PHLPP1: variants seen among roughly 807,000 people sequenced by gnomAD.
PHLPP1 encodes PH domain and leucine rich repeat protein phosphatase 1, also known as PH domain leucine-rich repeat-containing protein phosphatase 1.
A neutral mutation model predicts 117.2 loss-of-function variants in PHLPP1; 42 were observed. The observed-to-expected ratio is 0.36, with a 90% CI of 0.28 to 0.46. PHLPP1 has a LOEUF of 0.46. Among genes scored for constraint, PHLPP1 ranks in the 20% least tolerant of loss-of-function variants. PHLPP1 has a pLI of 1.00. For missense variants in PHLPP1, 2,084 were observed against 2,241.9 expected (o/e 0.93, Z 1.42); for synonymous variants, 1,042 against 970.7 (o/e 1.07, Z -1.37).
intron 1 of PHLPP1, among the ~76,000 whole-genome samples, chr18:62,816,295 G>A (rs1914272430): frequency 6.6e-6 from 1 of 152,214 alleles, no homozygotes; most frequent in Admixed American, 6.5e-5. Flanking sequence ...GCTGGGTGCA[G>A]TGGCTCACGC....
intron 12 of PHLPP1, among the ~76,000 whole-genome samples, chr18:62,957,619 C>CTGTTT (rs376695220): frequency 6.6e-6 from 1 of 151,090 alleles, no homozygotes; most frequent in Admixed American, 6.6e-5. Context: ...TGTTTGTTTT[C>CTGTTT]TGTTTTGTTT....
intron 8 of PHLPP1, among the ~76,000 whole-genome samples, chr18:62,913,436 A>T (rs957002558): frequency 1.3e-5 from 2 of 152,220 alleles, no homozygotes; most frequent in African/African-American, 4.8e-5. Flanking sequence ...GCAAAATTAA[A>T]GAACATAAAT....
intron 11 of PHLPP1, among the ~76,000 whole-genome samples, chr18:62,942,511 A>G (rs1000151738): frequency 6.6e-6 from 1 of 152,242 alleles, no homozygotes; most frequent in Non-Finnish European, 1.5e-5. Flanking sequence ...CTCTACTACC[A>G]TAGAAACTGT....
chr18:62,721,462 G>T (rs1256743023), intron 1 of PHLPP1, among the ~76,000 whole-genome samples: 1 of 151,912 alleles, frequency 6.6e-6, no homozygotes, highest in East Asian at 1.9e-4. Context: ...GTGTGTATGT[G>T]TGACAGTTCA....
intron 4 of PHLPP1, among the ~76,000 whole-genome samples, chr18:62,865,793 A>G (rs1915756140): frequency 6.6e-6 from 1 of 152,232 alleles, no homozygotes; most frequent in Non-Finnish European, 1.5e-5. Context: ...AGAAAACCAA[A>G]TACTGCATGT....
chr18:62,748,838 TC>T (rs1209440467), intron 1 of PHLPP1, among the ~76,000 whole-genome samples: 1 of 152,134 alleles, frequency 6.6e-6, no homozygotes, highest in Non-Finnish European at 1.5e-5. Flanking sequence ...ACTTTGTGGC[TC>T]CCCCCAACAC....
intron 4 of PHLPP1, among the ~76,000 whole-genome samples, chr18:62,871,916 G>T (rs777978029): frequency 6.6e-6 from 1 of 152,052 alleles, no homozygotes; most frequent in Non-Finnish European, 1.5e-5. Flanking sequence ...AAGGGCTGGG[G>T]TTATAGGCAT....
intron 6 of PHLPP1, among the ~76,000 whole-genome samples, chr18:62,897,899 AT>A (rs967474572): frequency 1.3e-4 from 20 of 151,464 alleles, no homozygotes; most frequent in African/African-American, 4.6e-4. Context: ...CTTTTATTCA[AT>A]TTTTTTTCCC....
At chr18:62,826,297 G>GA (rs1215166281) in intron 1 of PHLPP1, 1 of 389,974 alleles carries the variant, frequency 2.6e-6, no homozygotes, top group Non-Finnish European at 5.1e-6. Flanking sequence ...ACATTTGTTA[G>GA]AAAATAAGCT....
intron 3 of PHLPP1, among the ~76,000 whole-genome samples, chr18:62,844,073 G>A (rs1169775032): frequency 1.3e-5 from 2 of 152,152 alleles, no homozygotes; most frequent in Non-Finnish European, 2.9e-5. Context: ...TTGGCCGGGC[G>A]TGGTGGCTCA....
At chr18:62,817,851 C>CTTTT (rs71340119) in intron 1 of PHLPP1, among the ~76,000 whole-genome samples, 5 of 85,966 alleles carry the variant, frequency 5.8e-5, no homozygotes, top group South Asian at 4.2e-4. Context: ...TGGCAACAGA[C>CTTTT]TTTTTTTTTT....
intron 1 of PHLPP1, among the ~76,000 whole-genome samples, chr18:62,767,855 C>T (rs763952217): frequency 3.9e-4 from 59 of 152,168 alleles, no homozygotes; most frequent in Admixed American, 1.0e-3. Context: ...CCAATCAGTT[C>T]AGGGAGTGGC....
chr18:62,801,614 G>A (rs1434003468), intron 1 of PHLPP1, among the ~76,000 whole-genome samples: 2 of 151,416 alleles, frequency 1.3e-5, no homozygotes, highest in Admixed American at 6.6e-5. Context: ...CACCATGCCC[G>A]GCTAATTTTT....
chr18:62,892,746 G>A (rs1264166279), intron 4 of PHLPP1, among the ~76,000 whole-genome samples: 1 of 151,394 alleles, frequency 6.6e-6, no homozygotes, highest in African/African-American at 2.4e-5. Context: ...CATGGTGGCG[G>A]GTGCCTGTAG....
At chr18:62,722,758 A>G (rs1010421507) in intron 1 of PHLPP1, among the ~76,000 whole-genome samples, 2 of 152,270 alleles carry the variant, frequency 1.3e-5, no homozygotes, top group Non-Finnish European at 2.9e-5. Flanking sequence ...CTTCAACTCC[A>G]GAAACTTATG....
In PHLPP1 at chr18:62,978,936, C is replaced by G; in HGVS notation, c.4659C>G (p.Ile1553Met). 36 of 1,608,642 alleles carry G rather than the reference C, an allele frequency of 2.2e-5. No individual in the cohort carries two copies. The highest frequency in any genetic ancestry group is 3.1e-5 in the Non-Finnish European group (36 of 1,177,580). ...NGLDSDDEEP[I>M]EGVFTNGSRV... ...TTGACAGTGACGATGAGGAGCCCAT[C>G]GAGGGCGTCTTCACCAACGGCAGCC... The change falls in exon 17 of 17, where the codon ATC becomes ATG. Residue 1553 changes from isoleucine to methionine, a missense_variant. Physicochemically the swap from Ile to Met is conservative, Grantham distance 10. Around this residue, in one of 2 missense-constraint regions of PHLPP1, gnomAD observed 1,365 missense variants for 1,605.9 expected, o/e 0.85. Coordinates refer to ENST00000262719, the MANE Select transcript of PHLPP1 (RefSeq NM_194449.4). The surrounding 1 kb of genome is among the most constrained non-coding windows in gnomAD (Gnocchi z 7.0).
At chr18:62,733,358 G>A (rs1911279431) in intron 1 of PHLPP1, among the ~76,000 whole-genome samples, 1 of 152,164 alleles carries the variant, frequency 6.6e-6, no homozygotes, top group Non-Finnish European at 1.5e-5. Flanking sequence ...TTAAATTAAG[G>A]TGTGTGCATT....
chr18:62,743,153 G>T (rs1228211950), intron 1 of PHLPP1, among the ~76,000 whole-genome samples: 1 of 151,998 alleles, frequency 6.6e-6, no homozygotes, highest in East Asian at 1.9e-4. Flanking sequence ...TAAGGGGCAG[G>T]TTAATTAGTT....
intron 4 of PHLPP1, among the ~76,000 whole-genome samples, chr18:62,865,738 G>A (rs933690132): frequency 6.6e-6 from 1 of 152,210 alleles, no homozygotes; most frequent in African/African-American, 2.4e-5. Context: ...TCAGGGACAT[G>A]GATGGAGCTG....
Sources: gnomAD v4.1 joint callset for allele counts (sites outside exome capture counted in the v4.1 genomes callset) on GRCh38, gnomAD v4.1.1 for gene constraint, gnomAD v4.1.1 regional missense constraint, Gnocchi (gnomAD v3.1) non-coding constraint, MANE v1.5 for transcripts, NCBI Gene and HGNC (gene_info 2026-07-23, HGNC 2026-07-21) for gene names.